The following UTP20 variants were observed in gnomAD, a reference collection of about 807,000 sequenced individuals.
UTP20 encodes UTP20 small subunit processome component.
Under a neutral mutation model 329.5 loss-of-function variants are expected in UTP20, and 164 were observed. That is an observed-to-expected ratio of 0.50 (90% CI 0.44 to 0.57). The LOEUF (loss-of-function observed/expected upper bound fraction) is 0.57, where lower values mean the gene tolerates loss of function less well. Among genes scored for constraint, UTP20 ranks in the 20% least tolerant of loss-of-function variants. The probability of loss-of-function intolerance (pLI) is 0.00; values close to 1 mark genes in which losing one functional copy is unlikely to be tolerated. For missense variants in UTP20, 3,055 were observed against 3,284.2 expected (o/e 0.93, Z 1.71); for synonymous variants, 1,151 against 1,159.3 (o/e 0.99, Z 0.14).
At chr12:101,320,734 G>A in intron 23 of UTP20, 118 bp from the exon 24 acceptor site, 1 of 743,194 alleles carries the variant, frequency 1.3e-6, no homozygotes, top group Non-Finnish European at 2.0e-6. Flanking sequence ...TCAGGTTTAG[G>A]TCTTGTGTAA....
At chr12:101,308,017 T>C (rs1009182137) in intron 17 of UTP20, among the ~76,000 whole-genome samples, 168 bp from the exon 18 acceptor site, 1 of 152,148 alleles carries the variant, frequency 6.6e-6, no homozygotes, top group African/African-American at 2.4e-5. Flanking sequence ...AAGTAAATGG[T>C]ATGGGGAGAA....
At position 101,309,857 on chromosome 12, in the gene UTP20, G is replaced by A. The variant is rs754103587; in HGVS notation, c.2231+18G>A. ...CTCATAAGGTAAACATGGGTTAAAT[G>A]GGATGAAACTATTATACTTTAACTA... On this transcript the variant is annotated intron_variant, in intron 19 of 61. Coordinates refer to ENST00000261637, the MANE Select transcript of UTP20 (RefSeq NM_014503.3). The A allele has an allele frequency of 3.1e-6, 5 of 1,604,372 alleles. No homozygotes were observed. In the South Asian group the frequency reaches 5.5e-5, roughly 18 times the overall value.
At chr12:101,382,768 A>G (rs1870688440) in intron 58 of UTP20, among the ~76,000 whole-genome samples, 1 of 151,056 alleles carries the variant, frequency 6.6e-6, no homozygotes, top group Non-Finnish European at 1.5e-5. Context: ...CATGAGAATC[A>G]TTTAAACCTG....
chr12:101,299,995 A>G lies in UTP20; in HGVS notation c.1609A>G (p.Ile537Val). ...HIRPLEKEKV[I>V]PLVTGFIEAL... ...CAGACCTCTTGAGAAAGAGAAGGTG[A>G]TACCACTCGTCACCGGCTTCATAGA... Residue 537 changes from isoleucine to valine, a missense_variant, in exon 14 of 62, where the codon ATA becomes GTA. Ile to Val is a conservative substitution (Grantham distance 29, BLOSUM62 3). Around this residue, in one of 3 missense-constraint regions of UTP20, gnomAD observed 2,445 missense variants for 2,575.5 expected, o/e 0.95. Coordinates refer to ENST00000261637, the MANE Select transcript of UTP20 (RefSeq NM_014503.3). The G allele has an allele frequency of 6.2e-7, 1 of 1,614,180 alleles. No individual in the cohort carries two copies. Among genetic ancestry groups the G allele is most frequent in the Non-Finnish European group, 8.5e-7 (1 of 1,180,016 alleles).
Position 101,378,350 on chromosome 12 carries a change from G to A in UTP20, c.7397-1021G>A, listed in dbSNP as rs12312705. ...CAGTAAGTAAATGATAGCTTTACAG[G>A]CAGCTACTTGGAGCCACCAATTCTA... On this transcript the variant is annotated intron_variant, in intron 56 of 61. Coordinates refer to ENST00000261637, the MANE Select transcript of UTP20 (RefSeq NM_014503.3). Among the ~76,000 whole-genome samples the A allele has an allele frequency of 2.3e-3, 351 of 152,300 alleles. 3 individuals carry two copies. Among genetic ancestry groups the A allele is most frequent in the African/African-American group, 8.2e-3 (340 of 41,558 alleles).
In UTP20 at chr12:101,286,010, T is replaced by C. The variant is rs554162823; in HGVS notation, c.326+129T>C. The C allele has an allele frequency of 3.2e-5, 43 of 1,339,986 alleles. No homozygotes were observed. The African/African-American group carries it at 5.3e-4, about 16-fold the overall frequency. 83.0% of individuals were successfully genotyped at this position (1,339,986 alleles called of 1,614,324 possible). ...AGAAACAAGGAGGATTTTCCTTTTC[T>C]GTTAGGAATAAGTGCATTACCATAA... is the stretch of plus-strand genomic sequence containing the variant. On this transcript the variant is annotated intron_variant, in intron 4 of 61. Transcript: ENST00000261637.
chr12:101,288,031 A>G (rs551512670), intron 5 of UTP20, among the ~76,000 whole-genome samples: 3 of 152,274 alleles, frequency 2.0e-5, no homozygotes, highest in East Asian at 3.9e-4. Context: ...CACTCCTGAA[A>G]TGTCTACTGG....
rs1192976554 is a variant in UTP20, at chr12:101,317,540, A to G, written c.2615A>G (p.Lys872Arg). The change falls in exon 22 of 62, where the codon AAA becomes AGA. Residue 872 changes from lysine (K) to arginine (R), a missense_variant. Physicochemically the swap from Lys to Arg is conservative, Grantham distance 26. Coordinates refer to ENST00000261637, the MANE Select transcript of UTP20 (RefSeq NM_014503.3). The stretch of plus-strand genomic sequence containing the variant: ...ACCCAGGATCTACGGAGAAAAGGCA[A>G]AGGGATGGTGGCAGAGGAAATCGAA... ...APTQDLRRKG[K>R]GMVAEEIEEE... 1 of 1,614,210 alleles carries G rather than the reference A, an allele frequency of 6.2e-7. No homozygotes were observed. The highest frequency in any genetic ancestry group is 2.2e-5 in the East Asian group (1 of 44,888).
intron 23 of UTP20, among the ~76,000 whole-genome samples, chr12:101,320,016 A>G (rs183815063): frequency 2.5e-3 from 387 of 152,328 alleles, no homozygotes; most frequent in Non-Finnish European, 3.6e-3. Flanking sequence ...TTCAGGATCT[A>G]TTGTAGTCCA....
At chr12:101,331,453 G>A (rs77152604) in intron 27 of UTP20, among the ~76,000 whole-genome samples, 1 of 152,328 alleles carries the variant, frequency 6.6e-6, no homozygotes, top group East Asian at 1.9e-4. Context: ...AGAATGACTT[G>A]TAACTACATC....
At chr12:101,373,501 C>T in intron 53 of UTP20, 31 bp downstream of exon 53, 1 of 1,613,948 alleles carries the variant, frequency 6.2e-7, no homozygotes. Flanking sequence ...AGCCCCGTGA[C>T]TCCTGGAAGT....
Position 101,299,711 on chromosome 12 carries a change from C to G in UTP20, c.1460C>G (p.Ser487Cys). The G allele has an allele frequency of 6.3e-7, 1 of 1,599,418 alleles. No individual in the cohort carries two copies. Residue 487 changes from serine (S) to cysteine (C), a missense_variant, in exon 13 of 62, where the codon TCC (serine) becomes TGC (cysteine). This residue lies in a region of UTP20 where 2,445 missense variants were observed against 2,575.5 expected (regional missense o/e 0.95). Transcript: ENST00000261637. ...TATATAAAGCAGAAGAAGACTAGAT[C>G]CAAGGGAAGAAACGAACAGTTTCCA... ...GFYIKQKKTR[S>C]KGRNEQFPVL...
chr12:101,291,085 T>A, intron 8 of UTP20, 197 bp downstream of exon 8: 1 of 476,960 alleles, frequency 2.1e-6, no homozygotes, highest in Non-Finnish European at 3.5e-6. Flanking sequence ...TGAGATGCAG[T>A]AGAAGGCTCT....
At chr12:101,377,926 A>G (rs1184363374) in intron 56 of UTP20, among the ~76,000 whole-genome samples, 1 of 152,154 alleles carries the variant, frequency 6.6e-6, no homozygotes, top group Non-Finnish European at 1.5e-5. Flanking sequence ...TGTTCATGAA[A>G]ATGTTAGGGT....
At chr12:101,297,912 A>G (rs529840510) in intron 12 of UTP20, among the ~76,000 whole-genome samples, 94 of 152,256 alleles carry the variant, frequency 6.2e-4, no homozygotes, top group African/African-American at 2.1e-3. Context: ...AACTCATGGC[A>G]AGTTCTTCCA....
At chr12:101,367,715 GTT>G in intron 47 of UTP20, 143 bp from the exon 48 acceptor site, 1 of 615,514 alleles carries the variant, frequency 1.6e-6, no homozygotes, top group Non-Finnish European at 2.9e-6. Flanking sequence ...CTCCCAGGCA[GTT>G]TGTCATTCCT....
chr12:101,334,362 T>C (rs1393954484), intron 28 of UTP20, 63 bp from the exon 29 acceptor site: 1 of 1,386,424 alleles, frequency 7.2e-7, no homozygotes, highest in Non-Finnish European at 1.0e-6. Context: ...TTGTTAGTTA[T>C]TTGTGGTTTT....
chr12:101,350,014 T>TC (rs1869463601), intron 38 of UTP20, among the ~76,000 whole-genome samples: 1 of 152,212 alleles, frequency 6.6e-6, no homozygotes, highest in Admixed American at 6.5e-5. Flanking sequence ...CTCAGAATTG[T>TC]CTTTTTTATC....
At position 101,340,045 on chromosome 12, in the gene UTP20, G is replaced by C. The variant is rs561529687; in HGVS notation, c.4014-478G>C. Among the ~76,000 whole-genome samples, 3 of 152,286 alleles carry C rather than the reference G, an allele frequency of 2.0e-5. No homozygotes were observed. The South Asian group carries it at 6.2e-4, about 32-fold the overall frequency. ...AAGACCAGAGTTTGAAAGACCTGCT[G>C]TACTTCTTCTAGCTGTGAGACATCA... On this transcript the variant is annotated intron_variant, in intron 31 of 61. Transcript: ENST00000261637.
Sources: gnomAD v4.1 joint callset for allele counts (sites outside exome capture counted in the v4.1 genomes callset) on GRCh38, gnomAD v4.1.1 for gene constraint, gnomAD v4.1.1 regional missense constraint, MANE v1.5 for transcripts, NCBI Gene and HGNC (gene_info 2026-07-23, HGNC 2026-07-21) for gene names.